BPIFB3: variants seen among roughly 807,000 people sequenced by gnomAD.
The protein encoded by BPIFB3 is BPI fold containing family B member 3, also known as BPI fold-containing family B member 3.
A neutral mutation model predicts 53.1 loss-of-function variants in BPIFB3; 49 were observed. That is an observed-to-expected ratio of 0.92 (90% CI 0.73 to 1.17). The LOEUF (loss-of-function observed/expected upper bound fraction) is 1.17. Among genes scored for constraint, BPIFB3 ranks in the 50% most tolerant of loss-of-function variants. The probability of loss-of-function intolerance (pLI) is 0.00; values close to 1 mark genes in which losing one functional copy is unlikely to be tolerated. For missense variants in BPIFB3, 628 were observed against 592.5 expected (o/e 1.06, Z -0.62); for synonymous variants, 271 against 269.6 (o/e 1.01, Z -0.05).
At chr20:33,065,763 C>T (rs1980646065) in intron 8 of BPIFB3, among the ~76,000 whole-genome samples, 1 of 152,158 alleles carries the variant, frequency 6.6e-6, no homozygotes, top group South Asian at 2.1e-4. Context: ...CACCCAGAGA[C>T]ATTTATTTTG....
At chr20:33,054,526 A>G (rs1980114157), upstream of BPIFB3, among the ~76,000 whole-genome samples, 1 of 152,160 alleles carries the variant, frequency 6.6e-6, no homozygotes, top group Non-Finnish European at 1.5e-5. Context: ...AATGATAAGG[A>G]GTCAGCCATG....
At chr20:33,057,373 G>A (rs1980254346) in intron 2 of BPIFB3, among the ~76,000 whole-genome samples, 1 of 152,086 alleles carries the variant, frequency 6.6e-6, no homozygotes, top group African/African-American at 2.4e-5. Flanking sequence ...AGTTTTAGTA[G>A]AGAAGAAGTT....
chr20:33,064,547 A>G (rs751335205), exon 7 of BPIFB3: 96 of 1,613,486 alleles, frequency 5.9e-5, no homozygotes, highest in Admixed American at 3.3e-5. Context: ...CTGGACATCA[A>G]CGTGAGTAAC....
At chr20:33,073,843 C>G (rs547355252), downstream of BPIFB3, among the ~76,000 whole-genome samples, 1 of 152,204 alleles carries the variant, frequency 6.6e-6, no homozygotes, top group African/African-American at 2.4e-5. Flanking sequence ...TCCTGTATCT[C>G]GGTATCTCCT....
chr20:33,071,115 G>A (rs562669222), intron 11 of BPIFB3, 138 bp from the exon 13 acceptor site: 1 of 936,190 alleles, frequency 1.1e-6, no homozygotes. Context: ...GAGTCTCTGA[G>A]TCAAGGCTGG....
chr20:33,072,743 C>A (rs777911331), exon 14 of BPIFB3: 1 of 1,613,600 alleles, frequency 6.2e-7, no homozygotes, highest in East Asian at 2.2e-5. Context: ...AATTCCCCTG[C>A]CTAAGGTTCT....
At chr20:33,061,657 C>A in intron 4 of BPIFB3, 111 bp from the exon 6 acceptor site, 1 of 1,081,330 alleles carries the variant, frequency 9.2e-7, no homozygotes, top group Non-Finnish European at 1.4e-6. Flanking sequence ...AACACCACCC[C>A]CAAGAGAAGG....
chr20:33,071,150 A>G (rs1367542806), intron 11 of BPIFB3, 103 bp from the exon 13 acceptor site: 1 of 1,171,120 alleles, frequency 8.5e-7, no homozygotes, highest in Non-Finnish European at 1.2e-6. Context: ...TTGGGCTGGT[A>G]ATCCTGTTTC....
intron 9 of BPIFB3, among the ~76,000 whole-genome samples, chr20:33,068,286 T>C (rs1980746300): frequency 6.6e-6 from 1 of 152,234 alleles, no homozygotes; most frequent in African/African-American, 2.4e-5. Flanking sequence ...GAGTGCTGGC[T>C]GGTGCTTTTA....
At chr20:33,072,652 G>A in intron 13 of BPIFB3, 65 bp from the exon 15 acceptor site, 1 of 1,387,026 alleles carries the variant, frequency 7.2e-7, no homozygotes, top group South Asian at 1.2e-5. Flanking sequence ...CAGGGTCCGA[G>A]GGTTCCTAGG....
At chr20:33,066,148 G>C (rs1024331994) in intron 8 of BPIFB3, among the ~76,000 whole-genome samples, 50 of 152,136 alleles carry the variant, frequency 3.3e-4, no homozygotes, top group African/African-American at 1.2e-3. Flanking sequence ...CGGTGGGCGG[G>C]GGGTGTCTCA....
intron 4 of BPIFB3, among the ~76,000 whole-genome samples, 184 bp downstream of exon 5, chr20:33,060,215 G>A (rs1209900748): frequency 6.6e-6 from 1 of 152,174 alleles, no homozygotes; most frequent in African/African-American, 2.4e-5. Flanking sequence ...CACTGACAGG[G>A]ACTCCGGCTT....
intron 2 of BPIFB3, among the ~76,000 whole-genome samples, chr20:33,058,807 G>C (rs1208862932): frequency 1.3e-5 from 2 of 152,042 alleles, no homozygotes; most frequent in Admixed American, 6.6e-5. Flanking sequence ...AGGATGGAAG[G>C]CTTCCTGGAG....
rs1247711763 is a variant in BPIFB3 at position 33,061,751 on chromosome 20, TG to T, written c.528-16del. ...TCCACCTGGCAGCCGCACCCACATGTGTCTCCCTCTGCTCAGGCTGCTGCCC... is the reference window on the plus strand; with the variant it reads ...TCCACCTGGCAGCCGCACCCACATGTTCTCCCTCTGCTCAGGCTGCTGCCC... On this transcript the variant is annotated splice_polypyrimidine_tract_variant and intron_variant, in intron 4 of 14. Transcript: ENST00000375494. The T allele has an allele frequency of 6.2e-7, 1 of 1,613,840 alleles. No homozygotes were observed. Among genetic ancestry groups the T allele is most frequent in the Non-Finnish European group, 8.5e-7 (1 of 1,179,738 alleles).
chr20:33,071,330 A>T, intron 12 of BPIFB3, 35 bp downstream of exon 13: 1 of 1,552,146 alleles, frequency 6.4e-7, no homozygotes, highest in Non-Finnish European at 8.7e-7. Context: ...CTTGGCAGTG[A>T]TGAGAGTCTT....
intron 9 of BPIFB3, among the ~76,000 whole-genome samples, chr20:33,067,894 C>T (rs78817516): frequency 0.03 from 4,512 of 152,222 alleles, 114 homozygotes; most frequent in Non-Finnish European, 0.047. Flanking sequence ...TGATCCTGCC[C>T]CTTAGGGATT....
rs1157596337 is a variant in BPIFB3 at position 33,064,351 on chromosome 20, A to G, written c.653-106A>G. On this transcript the variant is annotated intron_variant, in intron 6 of 14. Transcript: ENST00000375494. ...GACAGTAGCAGCCAAGTGAATGCTT[A>G]GTAGAGTGCTAGGCATTCAGCAGAC... The G allele has an allele frequency of 8.9e-6, 8 of 896,676 alleles. No homozygotes were observed. The East Asian group carries it at 2.0e-4, about 23-fold the overall frequency. The allele number at this position is 896,676 out of a possible 1,614,324, so 55.5% of individuals were successfully genotyped here.
chr20:33,069,182 T>G (rs534466596), intron 10 of BPIFB3, among the ~76,000 whole-genome samples: 1 of 152,108 alleles, frequency 6.6e-6, no homozygotes, highest in African/African-American at 2.4e-5. Flanking sequence ...CCTCCTGTCA[T>G]GTCTGCCTGG....
At chr20:33,060,576 C>CTTTTTCT (rs1568993367) in intron 4 of BPIFB3, among the ~76,000 whole-genome samples, 1 of 151,832 alleles carries the variant, frequency 6.6e-6, no homozygotes, top group African/African-American at 2.4e-5. Flanking sequence ...TTTTCTTTTT[C>CTTTTTCT]TTTTTTTTCC....
Sources: allele counts gnomAD v4.1 joint callset (sites outside exome capture counted in the v4.1 genomes callset), GRCh38; gene constraint gnomAD v4.1.1; transcripts MANE v1.5; gene names NCBI Gene and HGNC (gene_info 2026-07-23, HGNC 2026-07-21).